LTF: variants seen among roughly 807,000 people sequenced by gnomAD.
The protein encoded by LTF is epididymis luminal protein 110.
Under a neutral mutation model 87.2 loss-of-function variants are expected in LTF, and 91 were observed. The ratio of observed to expected loss-of-function variants is 1.04; its 90% CI spans 0.88 to 1.24. The LOEUF (loss-of-function observed/expected upper bound fraction) is 1.24. LTF is among the 50% of genes most tolerant of loss of function. LTF has a pLI of 0.00. For missense variants in LTF, 901 were observed against 904.3 expected (o/e 1.00, Z 0.05); for synonymous variants, 378 against 356.1 (o/e 1.06, Z -0.69).
At chr3:46,453,253 T>TAAA (rs1702845127) in intron 6 of LTF, among the ~76,000 whole-genome samples, 1 of 152,102 alleles carries the variant, frequency 6.6e-6, no homozygotes, top group Non-Finnish European at 1.5e-5. Flanking sequence ...GAAATGAAAA[T>TAAA]TAAAAATAAA....
Position 46,446,490 on chromosome 3 carries a change from G to A in LTF, c.1307C>T (p.Ser436Phe). The A allele has an allele frequency of 1.2e-6, 2 of 1,613,454 alleles. No homozygotes were observed. Residue 436 changes from serine (S) to phenylalanine (F), a missense_variant, in exon 11 of 17, where the codon TCC (serine) becomes TTC (phenylalanine). Transcript: ENST00000231751. ...AGGATCAGGGTCACTGCTTTGTTGG[G>A]ATTCTGAAAGAATAAAGACAAGCCA... ...LVPVLAENYKSQQSSDPDPNC... is the reference protein window; with the variant it reads ...LVPVLAENYKFQQSSDPDPNC...
upstream of LTF, chr3:46,468,443 A>G (rs6441998): frequency 0.82 from 340,699 of 413,118 alleles, 141,831 homozygotes; most frequent in East Asian, 0.99. Flanking sequence ...CAACAGGCAG[A>G]TGTGTGAGGC....
chr3:46,455,303 A>T lies in LTF; in HGVS notation c.639T>A (p.Gly213=). The T allele has an allele frequency of 6.2e-7, 1 of 1,614,224 alleles. No homozygotes were observed. The highest frequency in any genetic ancestry group is 1.3e-5 in the African/African-American group (1 of 75,072). Residue 213 remains glycine (G), a synonymous_variant, in exon 5 of 17, where the codon GGT becomes GGA. Transcript: ENST00000231751. ...GGGACAGGGTCACTCACTTGAAGGC[A>T]CCAGAGTAGCTGAAGTACGGTTCCT... ...SSQEPYFSYS[G]AFKCLRDGAG...
At chr3:46,472,774 G>A (rs1703310403) in intron 1 of LTF, among the ~76,000 whole-genome samples, 1 of 152,026 alleles carries the variant, frequency 6.6e-6, no homozygotes, top group African/African-American at 2.4e-5. Flanking sequence ...AACCAATAAT[G>A]TTGTTGCTAA....
chr3:46,459,688 C>A lies in LTF; in HGVS notation c.175G>T (p.Asp59Tyr). 1 of 1,557,580 alleles carries A rather than the reference C, an allele frequency of 6.4e-7. No homozygotes were observed. The highest frequency in any genetic ancestry group is 1.2e-5 in the South Asian group (1 of 82,134). Residue 59 changes from aspartate to tyrosine, a missense_variant, in exon 2 of 17, where the codon GAC becomes TAC. Transcript: ENST00000231751. ...GCCTGGATACACTGGATGGGGGAGT[C>A]TCTCTTTATGCAGCTGACAGGAGGG... ...RGPPVSCIKR[D>Y]SPIQCIQAIA...
At chr3:46,470,299 T>C (rs1357486304) in intron 2 of LTF, 2 of 152,278 alleles carry the variant, frequency 1.3e-5, no homozygotes, top group Non-Finnish European at 2.9e-5. Context: ...AGGCCAGCCA[T>C]GCAAATTTCT....
upstream of LTF, chr3:46,469,561 G>C (rs1005682460): frequency 6.6e-6 from 1 of 152,272 alleles, no homozygotes; most frequent in Non-Finnish European, 1.5e-5. Context: ...TAGGGCCTTG[G>C]TGTCTTAGTA....
At position 46,459,683 on chromosome 3, in the gene LTF, G is replaced by A; in HGVS notation, c.180C>T (p.Ser60=). ...GPPVSCIKRD[S]PIQCIQAIAE... ...CAATGGCCTGGATACACTGGATGGG[G>A]GAGTCTCTCTTTATGCAGCTGACAG... Residue 60 remains serine, a synonymous_variant, in exon 2 of 17, where the codon TCC becomes TCT. Coordinates refer to ENST00000231751, the MANE Select transcript of LTF (RefSeq NM_002343.6). 4.5e-6 allele frequency: 7 copies of A among 1,554,928 alleles called. No individual in the cohort carries two copies. In the South Asian group the frequency reaches 4.9e-5, roughly 11 times the overall value.
intron 8 of LTF, 134 bp from the exon 9 acceptor site, chr3:46,449,151 T>G: frequency 1.4e-6 from 1 of 725,290 alleles, no homozygotes; most frequent in South Asian, 2.1e-5. Flanking sequence ...TGTGGACCCA[T>G]ACCCTCTCCT....
In LTF at chr3:46,455,405, A is replaced by G. The variant is rs746854303; in HGVS notation, c.537T>C (p.Gly179=). The G allele has an allele frequency of 1.1e-5, 18 of 1,614,082 alleles. No individual in the cohort carries two copies. The Admixed American group carries it at 3.0e-4, about 27-fold the overall frequency. Residue 179 remains glycine, a synonymous_variant, in exon 5 of 17, where the codon GGT becomes GGC. Transcript: ENST00000231751. ...ARFFSASCVP[G]ADKGQFPNLC... ...GGTTGGGGAACTGTCCTTTATCTGCACCGGGAACACAGCTGGCTGAGAAGA... is the reference window on the plus strand; with the variant it reads ...GGTTGGGGAACTGTCCTTTATCTGCGCCGGGAACACAGCTGGCTGAGAAGA...
Position 46,441,174 on chromosome 3 carries a change from TGA to T in LTF, c.1723+240_1723+241del, listed in dbSNP as rs1702506780. On this transcript the variant is annotated intron_variant, in intron 14 of 16. Transcript: ENST00000231751. ...TGGCTAGTATCTGTGTGTGTGAGAGTGAGTGTGTGTGTGTGTGTGAGAGAAAG... is the reference window on the plus strand; with the variant it reads ...TGGCTAGTATCTGTGTGTGTGAGAGTGTGTGTGTGTGTGTGTGAGAGAAAG... Among the ~76,000 whole-genome samples the T allele has an allele frequency of 5.5e-5, 5 of 90,990 alleles. No homozygotes were observed. The South Asian group carries it at 2.0e-3, about 36-fold the overall frequency. 59.7% of individuals were successfully genotyped at this position (90,990 alleles called of 152,430 possible).
chr3:46,464,915 G>T, upstream of LTF: 1 of 1,595,306 alleles, frequency 6.3e-7, no homozygotes, highest in Non-Finnish European at 8.6e-7. Flanking sequence ...TGCCACTTGC[G>T]CCTGCCCTGC....
At chr3:46,457,939 G>A (rs1354819861) in intron 2 of LTF, among the ~76,000 whole-genome samples, 1 of 121,968 alleles carries the variant, frequency 8.2e-6, no homozygotes, top group East Asian at 2.5e-4. Flanking sequence ...CACCATGCCT[G>A]GCTAATTTTT....
chr3:46,454,385 G>C (rs1260210156), intron 5 of LTF, 25 bp from the exon 6 acceptor site: 1 of 1,607,936 alleles, frequency 6.2e-7, no homozygotes, highest in South Asian at 1.1e-5. Flanking sequence ...ACCATCAGGG[G>C]TAAGCACAGG....
rs370064489 is a variant in LTF, at chr3:46,439,254, C to A, written c.1908+42G>T. 3.9e-5 allele frequency: 60 copies of A among 1,551,794 alleles called. No homozygotes were observed. The African/African-American group carries it at 7.9e-4, about 21-fold the overall frequency. ...CTGTGATCTCCTCACCTAACATGAG[C>A]CCACACAGCTAAGAAAGCACTAGAA... On this transcript the variant is annotated intron_variant, in intron 15 of 16. Coordinates refer to ENST00000231751, the MANE Select transcript of LTF (RefSeq NM_002343.6).
intron 7 of LTF, 23 bp downstream of exon 7, chr3:46,450,470 TGG>T: frequency 6.3e-7 from 1 of 1,588,670 alleles, no homozygotes; most frequent in Non-Finnish European, 8.6e-7. Flanking sequence ...TCCAAGCAAG[TGG>T]GGAGGACCGT....
Position 46,454,083 on chromosome 3 carries a change from G to A in LTF, c.703+222C>T, listed in dbSNP as rs1420157464. 1.8e-5 allele frequency: 10 copies of A among 564,184 alleles called. No individual in the cohort carries two copies. In the South Asian group the frequency reaches 1.9e-4, roughly 11 times the overall value. 34.9% of individuals were successfully genotyped at this position (564,184 alleles called of 1,614,324 possible). A position where few individuals can be genotyped will look rare whatever the true frequency, so the allele number is the denominator to read the frequency against. On this transcript the variant is annotated intron_variant, in intron 6 of 16. Coordinates refer to ENST00000231751, the MANE Select transcript of LTF (RefSeq NM_002343.6). The stretch of plus-strand genomic sequence containing the variant: ...TGGAGGACGCATTGCCAAGCACCTA[G>A]GCATGGGTGTCTATGAGGGGAAGAG...
intron 9 of LTF, among the ~76,000 whole-genome samples, chr3:46,448,096 G>T (rs1702700270): frequency 6.6e-6 from 1 of 152,152 alleles, no homozygotes; most frequent in Non-Finnish European, 1.5e-5. Context: ...GAGTGCTGTG[G>T]CTCACACCCG....
chr3:46,440,205 AT>A (rs889703691), intron 14 of LTF, among the ~76,000 whole-genome samples: 3 of 152,120 alleles, frequency 2.0e-5, no homozygotes, highest in Non-Finnish European at 4.4e-5. Flanking sequence ...TAGAGTTCTT[AT>A]TTTTTTAAAG....
Sources: gnomAD v4.1 joint callset for allele counts (sites outside exome capture counted in the v4.1 genomes callset) on GRCh38, gnomAD v4.1.1 for gene constraint, MANE v1.5 for transcripts, NCBI Gene and HGNC (gene_info 2026-07-23, HGNC 2026-07-21) for gene names.